Variants in TAFA1 observed in about 807,000 individuals in gnomAD.
The protein encoded by TAFA1 is TAFA chemokine like family member 1, also known as chemokine-like protein TAFA-1.
A neutral mutation model predicts 18.5 loss-of-function variants in TAFA1; 4 were observed. The ratio of observed to expected loss-of-function variants is 0.22; its 90% CI spans 0.11 to 0.49. The LOEUF (loss-of-function observed/expected upper bound fraction) is 0.49, where lower values mean the gene tolerates loss of function less well. Among genes scored for constraint, TAFA1 ranks in the 20% least tolerant of loss-of-function variants. TAFA1 has a pLI of 0.98. For synonymous variants in TAFA1, 56 were observed against 55.2 expected, an observed-to-expected ratio of 1.01 and a Z score of -0.06; for missense variants, 147 against 169.0, an observed-to-expected ratio of 0.87 and a Z score of 0.72.
intron 2 of TAFA1, among the ~76,000 whole-genome samples, chr3:68,060,760 G>A (rs1575596189): frequency 6.6e-6 from 1 of 152,106 alleles, no homozygotes; most frequent in African/African-American, 2.4e-5. Context: ...GAGTTGGAGG[G>A]GTGGGCTTGA....
chr3:68,151,937 C>A (rs1218142614), intron 2 of TAFA1, among the ~76,000 whole-genome samples: 2 of 152,170 alleles, frequency 1.3e-5, no homozygotes, highest in African/African-American at 4.8e-5. Context: ...GAAGCTCATT[C>A]ATGTAAATGA....
chr3:68,022,426 T>C (rs1455030446), intron 2 of TAFA1, among the ~76,000 whole-genome samples: 1 of 152,142 alleles, frequency 6.6e-6, no homozygotes, highest in Non-Finnish European at 1.5e-5. Context: ...CTATGGCCCC[T>C]GGGTAACTCC....
intron 2 of TAFA1, among the ~76,000 whole-genome samples, chr3:68,172,918 G>C (rs1383053219): frequency 1.3e-5 from 2 of 152,014 alleles, no homozygotes; most frequent in Non-Finnish European, 2.9e-5. Context: ...TTCTCTTTAG[G>C]GTGGTAAAAT....
intron 2 of TAFA1, among the ~76,000 whole-genome samples, chr3:68,254,260 C>T (rs2067255642): frequency 6.6e-6 from 1 of 151,884 alleles, no homozygotes; most frequent in East Asian, 1.9e-4. Flanking sequence ...AAACACAGAA[C>T]ATGAGAATTC....
intron 3 of TAFA1, among the ~76,000 whole-genome samples, chr3:68,470,065 A>G (rs541708446): frequency 3.7e-4 from 57 of 152,304 alleles, no homozygotes; most frequent in African/African-American, 1.3e-3. Flanking sequence ...AGATAATTGA[A>G]TCATGGGGAC....
intron 2 of TAFA1, among the ~76,000 whole-genome samples, chr3:68,051,958 G>A (rs1012336372): frequency 1.3e-5 from 2 of 152,218 alleles, no homozygotes; most frequent in African/African-American, 2.4e-5. Context: ...AGGACAATTT[G>A]AGAAGATAAA....
intron 3 of TAFA1, among the ~76,000 whole-genome samples, chr3:68,445,605 T>G (rs2071461698): frequency 6.6e-6 from 1 of 152,142 alleles, no homozygotes. Context: ...TAGGAGGGAA[T>G]TCTTCTATTT....
intron 3 of TAFA1, among the ~76,000 whole-genome samples, chr3:68,470,535 C>T (rs764386848): frequency 2.0e-5 from 3 of 152,038 alleles, no homozygotes; most frequent in Non-Finnish European, 2.9e-5. Flanking sequence ...CATTAAAGTT[C>T]AGGAGATGAG....
At chr3:68,225,830 C>T (rs190264951) in intron 2 of TAFA1, among the ~76,000 whole-genome samples, 2 of 151,894 alleles carry the variant, frequency 1.3e-5, no homozygotes, top group African/African-American at 2.4e-5. Flanking sequence ...CTCAGATAAC[C>T]TATCTGTGAA....
At chr3:68,521,943 T>G (rs986770417) in intron 3 of TAFA1, among the ~76,000 whole-genome samples, 9 of 135,808 alleles carry the variant, frequency 6.6e-5, no homozygotes, top group African/African-American at 2.4e-4. Flanking sequence ...CACTGCAGCC[T>G]CAAATGATCC....
chr3:68,543,535 C>A (rs1038023221), intron 4 of TAFA1, among the ~76,000 whole-genome samples: 3 of 152,050 alleles, frequency 2.0e-5, no homozygotes, highest in Admixed American at 2.0e-4. Flanking sequence ...CCACTATAGC[C>A]ATCTTGTCAA....
intron 2 of TAFA1, among the ~76,000 whole-genome samples, chr3:68,054,879 C>G (rs1364934853): frequency 2.6e-5 from 4 of 152,190 alleles, no homozygotes; most frequent in African/African-American, 9.7e-5. Flanking sequence ...GCACTAGTTA[C>G]ATTATTAGAC....
chr3:68,157,231 G>C (rs544929796), intron 2 of TAFA1, among the ~76,000 whole-genome samples: 3 of 152,202 alleles, frequency 2.0e-5, no homozygotes, highest in Admixed American at 2.0e-4. Flanking sequence ...ACATGCTCTT[G>C]AGCATCCTGT....
chr3:68,321,930 AT>A (rs1264440770), intron 2 of TAFA1, among the ~76,000 whole-genome samples: 1 of 152,250 alleles, frequency 6.6e-6, no homozygotes, highest in African/African-American at 2.4e-5. Flanking sequence ...TAAAAGATAT[AT>A]TTCCACCTTA....
At chr3:68,063,974 T>C (rs941873081) in intron 2 of TAFA1, among the ~76,000 whole-genome samples, 4 of 152,182 alleles carry the variant, frequency 2.6e-5, no homozygotes, top group African/African-American at 9.6e-5. Context: ...GGTAGGACTT[T>C]TTACCTTTCC....
intron 2 of TAFA1, among the ~76,000 whole-genome samples, chr3:68,358,335 T>TG (rs1456942617): frequency 6.6e-6 from 1 of 151,954 alleles, no homozygotes; most frequent in Non-Finnish European, 1.5e-5. Flanking sequence ...CCCAGTTTTA[T>TG]TATTGATGGC....
chr3:68,415,157 C>G (rs149927028), intron 2 of TAFA1, among the ~76,000 whole-genome samples: 1 of 152,126 alleles, frequency 6.6e-6, no homozygotes, highest in Non-Finnish European at 1.5e-5. Context: ...TTGTTTTGCA[C>G]GAGCCATTTA....
intron 2 of TAFA1, among the ~76,000 whole-genome samples, chr3:68,094,314 C>A (rs1426555959): frequency 1.3e-5 from 2 of 152,026 alleles, no homozygotes; most frequent in Non-Finnish European, 2.9e-5. Flanking sequence ...CCTAAGTAAT[C>A]TGTTTATTTA....
intron 2 of TAFA1, among the ~76,000 whole-genome samples, chr3:68,136,850 T>C (rs1364290647): frequency 3.9e-5 from 6 of 152,212 alleles, no homozygotes; most frequent in Non-Finnish European, 5.9e-5. Context: ...GATCAATTAA[T>C]CTGTATTGCA....
Sources: allele counts gnomAD v4.1 joint callset (sites outside exome capture counted in the v4.1 genomes callset), GRCh38; gene constraint gnomAD v4.1.1; transcripts MANE v1.5; gene names NCBI Gene and HGNC (gene_info 2026-07-23, HGNC 2026-07-21).